Variants in ZSWIM5 observed in about 807,000 individuals in gnomAD.
The protein encoded by ZSWIM5 is zinc finger SWIM-type containing 5.
Under a neutral mutation model 119.6 loss-of-function variants are expected in ZSWIM5, and 55 were observed. The observed-to-expected ratio is 0.46, with a 90% confidence interval of 0.37 to 0.58. The LOEUF is 0.58. ZSWIM5 is among the 20% of genes least tolerant of loss of function. The pLI, the probability that ZSWIM5 is intolerant of heterozygous loss-of-function variation, is 0.00. For missense variants in ZSWIM5, 1,193 were observed against 1,512.8 expected (o/e 0.79, Z 3.51); for synonymous variants, 537 against 606.9 (o/e 0.88, Z 1.69).
chr1:45,100,309 G>C (rs559530699), intron 1 of ZSWIM5, among the ~76,000 whole-genome samples: 3,114 of 152,212 alleles, frequency 0.02, 109 homozygotes, highest in African/African-American at 0.072. Flanking sequence ...TTGCTTCAAA[G>C]AGAATAAAAT....
chr1:45,125,754 A>G (rs1475643778), intron 1 of ZSWIM5, among the ~76,000 whole-genome samples: 1 of 135,178 alleles, frequency 7.4e-6, no homozygotes, highest in African/African-American at 2.9e-5. Context: ...CAAAAGCAAA[A>G]CTCCGTTTCA....
In ZSWIM5 at chr1:45,124,773, T is replaced by C. The variant is rs1216035942; in HGVS notation, c.596-36536A>G. ...GATTGTAAAAGAAAGGAAAAAGATGTATCATGAAAACATTAATCAAAAGAA... is the reference window on the plus strand; with the variant it reads ...GATTGTAAAAGAAAGGAAAAAGATGCATCATGAAAACATTAATCAAAAGAA... On this transcript the variant is annotated intron_variant, in intron 1 of 13. Transcript: ENST00000359600. 9.9e-5 allele frequency among the ~76,000 whole-genome samples: 15 copies of C among 152,274 alleles called. No individual in the cohort carries two copies. The East Asian group carries it at 2.9e-3, about 29-fold the overall frequency.
chr1:45,109,313 T>C (rs2149022387), intron 1 of ZSWIM5, among the ~76,000 whole-genome samples: 1 of 152,322 alleles, frequency 6.6e-6, no homozygotes, highest in South Asian at 2.1e-4. Flanking sequence ...GAAAAACCTC[T>C]AGTGTCAGCA....
At chr1:45,190,983 T>G (rs1646088742) in intron 1 of ZSWIM5, among the ~76,000 whole-genome samples, 1 of 139,548 alleles carries the variant, frequency 7.2e-6, no homozygotes, top group Non-Finnish European at 1.5e-5. Context: ...GTCTCGCTCT[T>G]TCGCCCAGGC....
intron 1 of ZSWIM5, among the ~76,000 whole-genome samples, chr1:45,098,775 G>C (rs745953726): frequency 2.6e-5 from 4 of 152,136 alleles, no homozygotes; most frequent in Non-Finnish European, 5.9e-5. Flanking sequence ...CATGGAAACT[G>C]AACAACCTGC....
intron 1 of ZSWIM5, among the ~76,000 whole-genome samples, chr1:45,128,980 CA>C (rs1420763765): frequency 6.6e-6 from 1 of 152,032 alleles, no homozygotes; most frequent in East Asian, 1.9e-4. Context: ...CTCTTTTTAG[CA>C]CCAAAAAATA....
chr1:45,076,919 G>C (rs1002696613), intron 2 of ZSWIM5, among the ~76,000 whole-genome samples: 1 of 151,676 alleles, frequency 6.6e-6, no homozygotes, highest in Non-Finnish European at 1.5e-5. Flanking sequence ...TATGCCAATT[G>C]CATTTTTCAG....
At chr1:45,173,947 C>T (rs906212109) in intron 1 of ZSWIM5, among the ~76,000 whole-genome samples, 1 of 151,960 alleles carries the variant, frequency 6.6e-6, no homozygotes, top group Non-Finnish European at 1.5e-5. Flanking sequence ...AGATGAGTTA[C>T]GTATGTTTGT....
At position 45,040,426 on chromosome 1, in the gene ZSWIM5, C is replaced by A. The variant is rs751472212; in HGVS notation, c.1722G>T (p.Gln574His). 6.2e-7 allele frequency: 1 copy of A among 1,610,996 alleles called. No homozygotes were observed. The highest frequency in any genetic ancestry group is 2.2e-5 in the East Asian group (1 of 44,770). The change falls in exon 7 of 14, where the codon CAG becomes CAT. Residue 574 changes from glutamine (Q) to histidine (H), a missense_variant. Gln to His is a conservative substitution (Grantham distance 24, BLOSUM62 0). Coordinates refer to ENST00000359600, the MANE Select transcript of ZSWIM5 (RefSeq NM_020883.2). The stretch of plus-strand genomic sequence containing the variant: ...GATGCTTGTAGATTTCCAGTTGCCG[C>A]TGCTGCTGCAACCTCAGAGTATTAA... ...AIINTLRLQQ[Q>H]RQLEIYKHQK...
At chr1:45,132,787 A>G (rs1361985563) in intron 1 of ZSWIM5, among the ~76,000 whole-genome samples, 1 of 151,822 alleles carries the variant, frequency 6.6e-6, no homozygotes, top group Non-Finnish European at 1.5e-5. Context: ...AACAGGCCCC[A>G]GTGTGTGATG....
intron 2 of ZSWIM5, among the ~76,000 whole-genome samples, chr1:45,064,124 G>A (rs1287817218): frequency 2.0e-5 from 3 of 152,070 alleles, no homozygotes; most frequent in Non-Finnish European, 2.9e-5. Context: ...GCCACCTGCC[G>A]AAAGTATGCC....
chr1:45,189,728 C>T (rs1646080147), intron 1 of ZSWIM5, among the ~76,000 whole-genome samples: 4 of 152,132 alleles, frequency 2.6e-5, no homozygotes, highest in Admixed American at 2.6e-4. Flanking sequence ...TGCATTCCAG[C>T]CTGGGTGACA....
chr1:45,020,242 G>T, intron 12 of ZSWIM5, 95 bp from the exon 13 acceptor site: 1 of 1,002,622 alleles, frequency 1.0e-6, no homozygotes, highest in Non-Finnish European at 1.6e-6. Flanking sequence ...ATTTTCTGGT[G>T]CTTTAAACAG....
chr1:45,205,180 T>C (rs924393539), intron 1 of ZSWIM5, among the ~76,000 whole-genome samples: 4 of 151,586 alleles, frequency 2.6e-5, no homozygotes, highest in Non-Finnish European at 4.4e-5. Context: ...CACATTTCCA[T>C]CTTCGGTTAT....
intron 1 of ZSWIM5, among the ~76,000 whole-genome samples, chr1:45,139,311 G>C (rs1645711046): frequency 6.6e-6 from 1 of 151,230 alleles, no homozygotes; most frequent in Non-Finnish European, 1.5e-5. Flanking sequence ...CTCCTTACTA[G>C]CTGGGACTAC....
intron 1 of ZSWIM5, among the ~76,000 whole-genome samples, chr1:45,185,986 C>G (rs879054235): frequency 3.5e-4 from 53 of 151,920 alleles, no homozygotes; most frequent in Non-Finnish European, 4.4e-4. Context: ...CAATAGCAAA[C>G]ACTTGGAACC....
chr1:45,120,249 C>A (rs1183200798), intron 1 of ZSWIM5, among the ~76,000 whole-genome samples: 2 of 152,180 alleles, frequency 1.3e-5, no homozygotes, highest in African/African-American at 4.8e-5. Context: ...GAGGCTGAGG[C>A]AGGAGAATCA....
chr1:45,018,975 G>T lies in ZSWIM5; in HGVS notation c.3037C>A (p.Pro1013Thr). Residue 1013 changes from proline to threonine, a missense_variant, in exon 14 of 14, where the codon CCG becomes ACG. By Grantham distance (38) the Pro-to-Thr change is conservative (BLOSUM62 -1). Around this residue, in one of 2 missense-constraint regions of ZSWIM5, gnomAD observed 961 missense variants for 1,290.0 expected, o/e 0.74. Transcript: ENST00000359600. The surrounding 1 kb of genome is among the most constrained non-coding windows in gnomAD (Gnocchi z 6.7). ...GAGGCCAGCTTGAAGGCACGTAGCG[G>T]GTAGCCACGGAGCTCCATGTAGCGG... is the stretch of plus-strand genomic sequence containing the variant. ...IARYMELRGY[P>T]LRAFKLASLA... 1 of 1,614,224 alleles carries T rather than the reference G, an allele frequency of 6.2e-7. No individual in the cohort carries two copies. The highest frequency in any genetic ancestry group is 8.5e-7 in the Non-Finnish European group (1 of 1,180,040).
chr1:45,152,310 A>C (rs2149038207), intron 1 of ZSWIM5, among the ~76,000 whole-genome samples: 1 of 152,350 alleles, frequency 6.6e-6, no homozygotes, highest in East Asian at 1.9e-4. Flanking sequence ...ACGCAAGTGC[A>C]ATAATCCTGG....
Sources: allele counts gnomAD v4.1 joint callset (sites outside exome capture counted in the v4.1 genomes callset), GRCh38; gene constraint gnomAD v4.1.1; regional missense constraint gnomAD v4.1.1; non-coding constraint Gnocchi (gnomAD v3.1); transcripts MANE v1.5; gene names NCBI Gene and HGNC (gene_info 2026-07-23, HGNC 2026-07-21).